SMARCC1: variants seen among roughly 807,000 people sequenced by gnomAD.
SMARCC1 encodes the protein SWI/SNF complex subunit SMARCC1.
Under a neutral mutation model 147.4 loss-of-function variants are expected in SMARCC1, and 43 were observed. The observed-to-expected ratio is 0.29, with a 90% CI of 0.23 to 0.38. The LOEUF (loss-of-function observed/expected upper bound fraction) is 0.38, where lower values mean the gene tolerates loss of function less well. SMARCC1 is among the 10% of genes least tolerant of loss of function. The pLI is 1.00. For missense variants in SMARCC1, 1,119 were observed against 1,381.1 expected (o/e 0.81, Z 3.01); for synonymous variants, 495 against 484.4 (o/e 1.02, Z -0.29).
chr3:47,725,032 CAAAAA>C (rs35548192), intron 6 of SMARCC1, among the ~76,000 whole-genome samples: 5 of 31,640 alleles, frequency 1.6e-4, no homozygotes, highest in Non-Finnish European at 2.2e-4. Flanking sequence ...ACTGTCTCCA[CAAAAA>C]AAAAAAAAAA....
intron 26 of SMARCC1, among the ~76,000 whole-genome samples, chr3:47,591,329 A>G (rs995198910): frequency 6.6e-6 from 1 of 152,072 alleles, no homozygotes; most frequent in Non-Finnish European, 1.5e-5. Context: ...TGAAATCACC[A>G]TTAAAAGGGG....
At position 47,745,978 on chromosome 3, in the gene SMARCC1, C is replaced by G. The variant is rs748009102; in HGVS notation, c.331G>C (p.Asp111His). Residue 111 changes from aspartate to histidine, a missense_variant, in exon 3 of 28, where the codon GAT becomes CAT. Coordinates refer to ENST00000254480, the MANE Select transcript of SMARCC1 (RefSeq NM_003074.4). ...CATAAGGCGCCTCCAGCTTTGAAATCCATGAAACACTTTGCCTAAAAATGA... is the reference window on the plus strand; with the variant it reads ...CATAAGGCGCCTCCAGCTTTGAAATGCATGAAACACTTTGCCTAAAAATGA... The part of the protein sequence containing the change: ...FTKLPAKCFM[D>H]FKAGGALCHI... 2 of 1,578,804 alleles carry G rather than the reference C, an allele frequency of 1.3e-6. No homozygotes were observed. Among genetic ancestry groups the G allele is most frequent in the East Asian group, 2.3e-5 (1 of 43,716 alleles).
At chr3:47,758,374 G>T (rs952734460) in intron 2 of SMARCC1, among the ~76,000 whole-genome samples, 1 of 147,222 alleles carries the variant, frequency 6.8e-6, no homozygotes, top group Admixed American at 6.9e-5. Flanking sequence ...TCCCACTTCA[G>T]CCTCGCAAAA....
At chr3:47,681,520 A>T (rs1431254159) in intron 14 of SMARCC1, among the ~76,000 whole-genome samples, 1 of 152,220 alleles carries the variant, frequency 6.6e-6, no homozygotes, top group African/African-American at 2.4e-5. Flanking sequence ...TATCTAGCAC[A>T]AAGTTTCTGC....
intron 2 of SMARCC1, among the ~76,000 whole-genome samples, chr3:47,769,580 C>G (rs1005987611): frequency 6.6e-6 from 1 of 152,030 alleles, no homozygotes. Context: ...CATCCTCCCC[C>G]ACTTAGCTGA....
chr3:47,636,788 ATGTGTGTGTG>A (rs35445330), intron 22 of SMARCC1, among the ~76,000 whole-genome samples: 1,024 of 80,658 alleles, frequency 0.013, 11 homozygotes, highest in South Asian at 0.03. Flanking sequence ...AAATATATAT[ATGTGTGTGTG>A]TGTGTGTGTG....
chr3:47,677,430 G>A (rs984278158), intron 16 of SMARCC1, among the ~76,000 whole-genome samples: 4 of 148,808 alleles, frequency 2.7e-5, no homozygotes, highest in Non-Finnish European at 4.4e-5. Flanking sequence ...TTTCGGCAGA[G>A]CTAGGGCGCA....
In SMARCC1 at chr3:47,693,305, A is replaced by G. The variant is rs773496783; in HGVS notation, c.1166-5T>C. On this transcript the variant is annotated splice_region_variant and splice_polypyrimidine_tract_variant and intron_variant, in intron 11 of 27. Transcript: ENST00000254480. ...CACTATCTTTCTTTAGGTTCACTAGAAAAAGAAAAAAAAGAGTTATGTTTA... is the reference window on the plus strand; with the variant it reads ...CACTATCTTTCTTTAGGTTCACTAGGAAAAGAAAAAAAAGAGTTATGTTTA... 2.0e-6 allele frequency: 3 copies of G among 1,479,208 alleles called. No homozygotes were observed. Among genetic ancestry groups the G allele is most frequent in the Admixed American group, 1.7e-5 (1 of 58,624 alleles). The allele number at this position is 1,479,208 out of a possible 1,614,324, so 91.6% of individuals were successfully genotyped here.
intron 2 of SMARCC1, among the ~76,000 whole-genome samples, chr3:47,750,226 G>C (rs892193023): frequency 2.6e-5 from 4 of 152,126 alleles, no homozygotes; most frequent in African/African-American, 9.7e-5. Context: ...ACAAGGTCAA[G>C]AGATCCAAGA....
chr3:47,636,011 C>T lies in SMARCC1; in HGVS notation c.2491+11G>A, dbSNP rs1378299997. The T allele has an allele frequency of 7.6e-7, 1 of 1,318,370 alleles. No individual in the cohort carries two copies. The highest frequency in any genetic ancestry group is 2.3e-5 in the East Asian group (1 of 43,424). 81.7% of individuals were successfully genotyped at this position (1,318,370 alleles called of 1,614,324 possible). ...TTACATAATAATATCTAAGGAGTTT[C>T]CTCAAATTACCTGATTTGGTATCCT... On this transcript the variant is annotated intron_variant, in intron 23 of 27. Coordinates refer to ENST00000254480, the MANE Select transcript of SMARCC1 (RefSeq NM_003074.4).
chr3:47,635,128 T>TA, intron 24 of SMARCC1, 62 bp downstream of exon 24: 1 of 1,449,182 alleles, frequency 6.9e-7, no homozygotes, highest in Non-Finnish European at 9.5e-7. Context: ...CCCAATTAAC[T>TA]AAAAACAATA....
intron 26 of SMARCC1, among the ~76,000 whole-genome samples, chr3:47,609,443 G>A (rs923493739): frequency 6.6e-6 from 1 of 151,738 alleles, no homozygotes; most frequent in African/African-American, 2.4e-5. Context: ...CTTGCAGTGA[G>A]CCAAGATCGC....
At chr3:47,592,672 C>A (rs981811971) in intron 26 of SMARCC1, among the ~76,000 whole-genome samples, 3 of 152,182 alleles carry the variant, frequency 2.0e-5, no homozygotes, top group African/African-American at 7.2e-5. Context: ...CAGCTCAGTT[C>A]ACTGCAACCT....
At position 47,781,771 on chromosome 3, in the gene SMARCC1, C is replaced by T. The variant is rs2035051888; in HGVS notation, c.27G>A (p.Gly9=). 1 of 1,452,404 alleles carries T rather than the reference C, an allele frequency of 6.9e-7. No individual in the cohort carries two copies. The highest frequency in any genetic ancestry group is 9.0e-7 in the Non-Finnish European group (1 of 1,105,358). The allele number at this position is 1,452,404 out of a possible 1,614,324, so 90.0% of individuals were successfully genotyped here. Residue 9 remains glycine, a synonymous_variant, in exon 1 of 28, where the codon GGG becomes GGA. Transcript: ENST00000254480. ...CCGTGGCGCCTACCGCTGTCCCCGG[C>T]CCGCCGCCGCCCGCCGCTGCGGCCA... The part of the protein sequence containing the change: MAAAAGGG[G]PGTAVGATGS...
chr3:47,658,658 T>C (rs1296623781), intron 21 of SMARCC1, among the ~76,000 whole-genome samples: 1 of 152,222 alleles, frequency 6.6e-6, no homozygotes, highest in Non-Finnish European at 1.5e-5. Context: ...ACATTTTGCT[T>C]ATCACATATC....
intron 24 of SMARCC1, among the ~76,000 whole-genome samples, chr3:47,623,176 TAA>T (rs35509187): frequency 3.4e-4 from 34 of 100,126 alleles, no homozygotes; most frequent in Admixed American, 1.2e-3. Context: ...GGGTTCTTCA[TAA>T]AAAAAAAAAA....
In SMARCC1 at chr3:47,776,861, G is replaced by A. The variant is rs1361827961; in HGVS notation, c.196-3925C>T. On this transcript the variant is annotated intron_variant, in intron 1 of 27. Coordinates refer to ENST00000254480, the MANE Select transcript of SMARCC1 (RefSeq NM_003074.4). ...GCGATCTCAGCTCAGCACAACCTCCGCCTCCCGGGTTCAAGCAATTCTCCT... is the reference window on the plus strand; with the variant it reads ...GCGATCTCAGCTCAGCACAACCTCCACCTCCCGGGTTCAAGCAATTCTCCT... Among the ~76,000 whole-genome samples the A allele has an allele frequency of 2.6e-5, 4 of 151,676 alleles. No individual in the cohort carries two copies. In the East Asian group the frequency reaches 7.7e-4, roughly 29 times the overall value.
chr3:47,635,444 A>C, intron 23 of SMARCC1, 100 bp from the exon 24 acceptor site: 2 of 1,018,196 alleles, frequency 2.0e-6, no homozygotes, highest in Non-Finnish European at 3.0e-6. Context: ...TGATATGACA[A>C]AGAGATGTCA....
intron 18 of SMARCC1, among the ~76,000 whole-genome samples, chr3:47,671,190 A>AAAAAAAAAAAAAAAAAAAAAAAAC (rs1559640688): frequency 6.9e-6 from 1 of 145,148 alleles, no homozygotes; most frequent in Non-Finnish European, 1.5e-5. Flanking sequence ...AAAAAAAAAA[A>AAAAAAAAAAAAAAAAAAAAAAAAC]AAAAAAAACA....
Sources: gnomAD v4.1 joint callset for allele counts (sites outside exome capture counted in the v4.1 genomes callset) on GRCh38, gnomAD v4.1.1 for gene constraint, MANE v1.5 for transcripts, NCBI Gene and HGNC (gene_info 2026-07-23, HGNC 2026-07-21) for gene names.